Variants in CLCF1 observed in about 807,000 individuals in gnomAD.
The protein encoded by CLCF1 is cardiotrophin like cytokine factor 1.
A neutral mutation model predicts 21.2 loss-of-function variants in CLCF1; 10 were observed. That is an observed-to-expected ratio of 0.47 (90% CI 0.29 to 0.80). The LOEUF (loss-of-function observed/expected upper bound fraction) is 0.80, where lower values mean the gene tolerates loss of function less well. Ranked by LOEUF, CLCF1 falls within the 30% of genes least tolerant of loss-of-function variation. The pLI is 0.09. For synonymous variants in CLCF1, 115 were observed against 120.5 expected (o/e 0.95, Z 0.30); for missense variants, 240 against 293.4 (o/e 0.82, Z 1.33).
At chr11:67,366,280 G>A (rs762097804) in intron 2 of CLCF1, among the ~76,000 whole-genome samples, 17 of 152,140 alleles carry the variant, frequency 1.1e-4, no homozygotes, top group Non-Finnish European at 2.1e-4. Context: ...AAAAAGGGTC[G>A]GGAACTAGAG....
At position 67,365,023 on chromosome 11, in the gene CLCF1, G is replaced by A; in HGVS notation, c.*113C>T. On this transcript the variant is annotated 3_prime_UTR_variant, in exon 3 of 3. Coordinates refer to ENST00000312438, the MANE Select transcript of CLCF1 (RefSeq NM_013246.3). The surrounding 1 kb of genome is among the most constrained non-coding windows in gnomAD (Gnocchi z 5.0). ...ACACGCCCAGCCGGTCCAGGAAAGGGCCAGAGGCTCACAGCTTCTGTCTCC... is the reference window on the plus strand; with the variant it reads ...ACACGCCCAGCCGGTCCAGGAAAGGACCAGAGGCTCACAGCTTCTGTCTCC... 2 of 1,563,488 alleles carry A rather than the reference G, an allele frequency of 1.3e-6. No homozygotes were observed. Among genetic ancestry groups the A allele is most frequent in the South Asian group, 1.2e-5 (1 of 86,070 alleles).
rs1862079733 is a variant in CLCF1 at position 67,365,647 on chromosome 11, G to T, written c.184-17C>A. ...GTAGTTCAGCTGTGAAAAGGAGAGG[G>T]TGATGGGGAAGGAGGAGGGCAGAGC... On this transcript the variant is annotated splice_polypyrimidine_tract_variant and intron_variant, in intron 2 of 2. Transcript: ENST00000312438. This position sits in a 1 kb window ranked among gnomAD's most constrained non-coding sequence, Gnocchi z 5.0. 1 of 1,595,906 alleles carries T rather than the reference G, an allele frequency of 6.3e-7. No homozygotes were observed. Among genetic ancestry groups the T allele is most frequent in the Non-Finnish European group, 8.6e-7 (1 of 1,167,646 alleles).
At chr11:67,371,188 C>G (rs1862225982) in intron 1 of CLCF1, 1 of 509,994 alleles carries the variant, frequency 2.0e-6, no homozygotes. Flanking sequence ...TCCTTCCACC[C>G]TCTGGGCTGC....
chr11:67,370,376 C>T, intron 1 of CLCF1: 3 of 984,798 alleles, frequency 3.0e-6, no homozygotes, highest in Non-Finnish European at 3.6e-6. Context: ...TCCTAGGTCC[C>T]CCTCTCCCCC....
chr11:67,370,123 G>C lies in CLCF1; in HGVS notation c.17-2497C>G. On this transcript the variant is annotated intron_variant, in intron 1 of 2. Transcript: ENST00000312438. The stretch of plus-strand genomic sequence containing the variant: ...AGAGGTTAGGAGAAAAGAAAGGGGG[G>C]GTAGAAGGACAGGGCTCTGCCCCTG... The C allele has an allele frequency of 6.1e-6, 6 of 985,314 alleles. No individual in the cohort carries two copies. The South Asian group carries it at 2.3e-4, about 39-fold the overall frequency. The allele number at this position is 985,314 out of a possible 1,614,324, so 61.0% of individuals were successfully genotyped here.
At position 67,364,896 on chromosome 11, in the gene CLCF1, G is replaced by A. The variant is rs1862064179; in HGVS notation, c.*240C>T. 2 of 607,020 alleles carry A rather than the reference G, an allele frequency of 3.3e-6. No individual in the cohort carries two copies. The highest frequency in any genetic ancestry group is 6.1e-5 in the East Asian group (2 of 33,022). 37.6% of individuals were successfully genotyped at this position (607,020 alleles called of 1,614,324 possible). ...CCTGAACCACTTCACACTCCCTCGA[G>A]CATGACTTCCTGTAGAAACAGGACA... On this transcript the variant is annotated 3_prime_UTR_variant, in exon 3 of 3. Transcript: ENST00000312438.
chr11:67,364,837 A>T lies in CLCF1; in HGVS notation c.*299T>A. On this transcript the variant is annotated 3_prime_UTR_variant, in exon 3 of 3. Transcript: ENST00000312438. The stretch of plus-strand genomic sequence containing the variant: ...GGTGGGCACTGGCCAAGTGGTAGGC[A>T]AGAAGCAGGAGGCCATGAGCGCCTC... The T allele has an allele frequency of 2.7e-6, 1 of 372,244 alleles. No individual in the cohort carries two copies. Among genetic ancestry groups the T allele is most frequent in the Non-Finnish European group, 5.0e-6 (1 of 201,704 alleles). The allele number at this position is 372,244 out of a possible 1,614,324, so 23.1% of individuals were successfully genotyped here. A position where few individuals can be genotyped will look rare whatever the true frequency, so the allele number is the denominator to read the frequency against.
chr11:67,373,109 GC>G (rs1264297229), intron 1 of CLCF1, among the ~76,000 whole-genome samples: 1 of 143,350 alleles, frequency 7.0e-6, no homozygotes, highest in East Asian at 2.2e-4. Flanking sequence ...GCCTCCCGCC[GC>G]CCGGCCTCGG....
chr11:67,365,017 G>T lies in CLCF1; in HGVS notation c.*119C>A. 6.5e-7 allele frequency: 1 copy of T among 1,549,628 alleles called. No homozygotes were observed. Among genetic ancestry groups the T allele is most frequent in the South Asian group, 1.2e-5 (1 of 84,884 alleles). Reference sequence around the variant, plus strand: ...CGCATCACACGCCCAGCCGGTCCAGGAAAGGGCCAGAGGCTCACAGCTTCT... The same window carrying T: ...CGCATCACACGCCCAGCCGGTCCAGTAAAGGGCCAGAGGCTCACAGCTTCT... On this transcript the variant is annotated 3_prime_UTR_variant, in exon 3 of 3. Transcript: ENST00000312438. The surrounding 1 kb of genome is among the most constrained non-coding windows in gnomAD (Gnocchi z 5.0).
In CLCF1 at chr11:67,365,560, G is replaced by A; in HGVS notation, c.254C>T (p.Pro85Leu). The A allele has an allele frequency of 6.2e-7, 1 of 1,613,932 alleles. No individual in the cohort carries two copies. The highest frequency in any genetic ancestry group is 8.5e-7 in the Non-Finnish European group (1 of 1,179,832). The change falls in exon 3 of 3, where the codon CCC (proline) becomes CTC (leucine). Residue 85 changes from proline (P) to leucine (L), a missense_variant. Physicochemically the swap from Pro to Leu is moderately conservative, Grantham distance 98 (BLOSUM62 -3). Transcript: ENST00000312438. This position sits in a 1 kb window ranked among gnomAD's most constrained non-coding sequence, Gnocchi z 5.0. ...CACCTCCAAGTCAACAGTGGCCCTG[G>A]GCAGAGTCTCTGCCCCCAGGCGGGG... ...NPPRLGAETL[P>L]RATVDLEVWR...
chr11:67,369,132 G>A (rs1006671852), intron 1 of CLCF1: 11 of 985,086 alleles, frequency 1.1e-5, no homozygotes, highest in East Asian at 1.1e-4. Flanking sequence ...TTTTGGAGAG[G>A]GCTAATAACT....
chr11:67,369,702 C>A, intron 1 of CLCF1: 10 of 985,472 alleles, frequency 1.0e-5, no homozygotes, highest in Non-Finnish European at 1.2e-5. Context: ...AGGGTCCCAA[C>A]TGAAGCCGGA....
intron 1 of CLCF1, chr11:67,368,373 C>CCAT: frequency 1.0e-6 from 1 of 985,304 alleles, no homozygotes; most frequent in Non-Finnish European, 1.2e-6. Context: ...TGAGGCCTTT[C>CCAT]CATCAGCCTG....
At chr11:67,370,140 C>T in intron 1 of CLCF1, 1 of 985,402 alleles carries the variant, frequency 1.0e-6, no homozygotes, top group Non-Finnish European at 1.2e-6. Context: ...GGACAGGGCT[C>T]TGCCCCTGCT....
At chr11:67,369,589 G>C (rs1862187034) in intron 1 of CLCF1, 2 of 985,464 alleles carry the variant, frequency 2.0e-6, no homozygotes, top group African/African-American at 3.5e-5. Flanking sequence ...AGTAGCATTA[G>C]TTTTGGAGAT....
chr11:67,367,810 C>T, intron 1 of CLCF1, 184 bp from the exon 2 acceptor site: 6 of 985,390 alleles, frequency 6.1e-6, no homozygotes, highest in Non-Finnish European at 6.0e-6. Context: ...GAAAGAGAGG[C>T]ATGTGTATGT....
intron 1 of CLCF1, chr11:67,370,594 C>T (rs1296292502): frequency 1.0e-6 from 1 of 969,450 alleles, no homozygotes; most frequent in Non-Finnish European, 1.2e-6. Context: ...GCCCTAGGAA[C>T]CAAGGCTCTC....
Position 67,367,528 on chromosome 11 carries a change from AG to A in CLCF1, c.114del (p.Ser39ProfsTer24). 2 of 1,614,164 alleles carry A rather than the reference AG, an allele frequency of 1.2e-6. No individual in the cohort carries two copies. The highest frequency in any genetic ancestry group is 1.7e-6 in the Non-Finnish European group (2 of 1,180,018). ...GTGAGGTCATAGGTTTTCTGGATGGAGGGGCCAGGCCCTGGGTCCCCTGTGC... is the reference window on the plus strand; with the variant it reads ...GTGAGGTCATAGGTTTTCTGGATGGAGGGCCAGGCCCTGGGTCCCCTGTGC... ...LNRTGDPGPGPSIQKTYDLTR... is the reference protein window; with the variant it reads ...LNRTGDPGPGXSIQKTYDLTR... On this transcript the variant is annotated frameshift_variant, in exon 2 of 3. Transcript: ENST00000312438. LOFTEE classifies it high-confidence loss of function.
chr11:67,371,471 G>A (rs963734784), intron 1 of CLCF1, among the ~76,000 whole-genome samples: 1 of 152,256 alleles, frequency 6.6e-6, no homozygotes, highest in African/African-American at 2.4e-5. Context: ...AAATGACAGA[G>A]GTCACTGAGG....
Sources: gnomAD v4.1 joint callset for allele counts (sites outside exome capture counted in the v4.1 genomes callset) on GRCh38, gnomAD v4.1.1 for gene constraint, Gnocchi (gnomAD v3.1) non-coding constraint, MANE v1.5 for transcripts, NCBI Gene and HGNC (gene_info 2026-07-23, HGNC 2026-07-21) for gene names.